Variants in TREML2 observed in about 807,000 individuals in gnomAD.
TREML2 encodes the protein trem-like transcript 2 protein.
Under a neutral mutation model 25.9 loss-of-function variants are expected in TREML2, and 24 were observed. The observed-to-expected ratio is 0.93, with a 90% CI of 0.67 to 1.30. The LOEUF is 1.30. Ranked by LOEUF, TREML2 falls within the 50% of genes most tolerant of loss-of-function variation. The probability of loss-of-function intolerance (pLI) is 0.00; values close to 1 mark genes in which losing one functional copy is unlikely to be tolerated. For synonymous variants in TREML2, 139 were observed against 155.2 expected (o/e 0.90, Z 0.77); for missense variants, 359 against 395.6 (o/e 0.91, Z 0.78).
At chr6:41,200,246 AC>A (rs776487765) in intron 1 of TREML2, among the ~76,000 whole-genome samples, 11 of 152,152 alleles carry the variant, frequency 7.2e-5, no homozygotes, top group Non-Finnish European at 1.5e-4. Flanking sequence ...CACAAGAGAG[AC>A]CCCTTTCTGC....
Position 41,194,751 on chromosome 6 carries a change from A to G in TREML2, c.459T>C (p.Pro153=). The G allele has an allele frequency of 6.2e-7, 1 of 1,613,734 alleles. No individual in the cohort carries two copies. The highest frequency in any genetic ancestry group is 8.5e-7 in the Non-Finnish European group (1 of 1,179,824). Reference sequence around the variant, plus strand: ...TAAAAGGGGCATCAGGGCCTGAGGTAGGGGCTTGGCCAGTTGTGACAGTTC... The same window carrying G: ...TAAAAGGGGCATCAGGGCCTGAGGTGGGGGCTTGGCCAGTTGTGACAGTTC... ...KSGTVTTGQA[P]TSGPDAPFTT... The change falls in exon 3 of 5, where the codon CCT becomes CCC. Residue 153 remains proline (P), a synonymous_variant. Coordinates refer to ENST00000483722, the MANE Select transcript of TREML2 (RefSeq NM_024807.4).
Position 41,194,572 on chromosome 6 carries a change from G to A in TREML2, c.638C>T (p.Ala213Val), listed in dbSNP as rs147159415. The A allele has an allele frequency of 7.8e-5, 126 of 1,614,010 alleles. No homozygotes were observed. In the African/African-American group the frequency reaches 1.1e-3, roughly 13 times the overall value. ...GGAGTCCCTGGCATTGCTGGGAGACGCGGTCACTGTCTGGGACCCCATGGT... is the reference window on the plus strand; with the variant it reads ...GGAGTCCCTGGCATTGCTGGGAGACACGGTCACTGTCTGGGACCCCATGGT... ...RRTMGSQTVTASPSNARDSSA... is the reference protein window; with the variant it reads ...RRTMGSQTVTVSPSNARDSSA... Residue 213 changes from alanine to valine, a missense_variant, in exon 3 of 5, where the codon GCG (alanine) becomes GTG (valine). Transcript: ENST00000483722.
chr6:41,191,688 T>C lies in TREML2; in HGVS notation c.*739A>G, dbSNP rs1436493403. The C allele has an allele frequency of 6.6e-6, 1 of 152,294 alleles. No homozygotes were observed. Among genetic ancestry groups the C allele is most frequent in the Non-Finnish European group, 1.5e-5 (1 of 68,074 alleles). The allele number at this position is 152,294 out of a possible 1,614,324, so 9.4% of individuals were successfully genotyped here. ...CAAGTCCAGCCTCTGCACTTCAGTCTTGGGAGAGGCTGACCCTGCAGCCCA... is the reference window on the plus strand; with the variant it reads ...CAAGTCCAGCCTCTGCACTTCAGTCCTGGGAGAGGCTGACCCTGCAGCCCA... On this transcript the variant is annotated 3_prime_UTR_variant, in exon 5 of 5. Transcript: ENST00000483722.
intron 3 of TREML2, among the ~76,000 whole-genome samples, chr6:41,193,184 T>C (rs1406536892): frequency 6.6e-6 from 1 of 152,146 alleles, no homozygotes; most frequent in Admixed American, 6.5e-5. Context: ...AGACTCCCAT[T>C]TGTGGCTAAA....
At position 41,192,458 on chromosome 6, in the gene TREML2, G is replaced by A. The variant is rs751699387; in HGVS notation, c.935C>T (p.Pro312Leu). The A allele has an allele frequency of 1.9e-6, 3 of 1,614,002 alleles. No homozygotes were observed. The Admixed American group carries it at 5.0e-5, about 27-fold the overall frequency. The change falls in exon 5 of 5, where the codon CCA (proline) becomes CTA (leucine). Residue 312 changes from proline to leucine, a missense_variant. Coordinates refer to ENST00000483722, the MANE Select transcript of TREML2 (RefSeq NM_024807.4). ...DPSTRDPPGRPEPYVEVYLI is the reference protein window; with the variant it reads ...DPSTRDPPGRLEPYVEVYLI Reference sequence around the variant, plus strand: ...CAAGTAGACTTCCACATAGGGCTCTGGTCTTCCAGGTGGGTCACGTGTAGA... The same window carrying A: ...CAAGTAGACTTCCACATAGGGCTCTAGTCTTCCAGGTGGGTCACGTGTAGA...
intron 1 of TREML2, among the ~76,000 whole-genome samples, chr6:41,199,323 C>T (rs764991279): frequency 6.6e-6 from 1 of 152,236 alleles, no homozygotes; most frequent in Non-Finnish European, 1.5e-5. Context: ...ATTTATTTCA[C>T]AAATAGGTTC....
In TREML2 at chr6:41,195,280, A is replaced by G. The variant is rs554519547; in HGVS notation, c.377-447T>C. ...GTCCTCAAATTCCAAAGAAAGCTGC[A>G]GTCAGTTGGGGTCAGACACTTTCCT... is the stretch of plus-strand genomic sequence containing the variant. On this transcript the variant is annotated intron_variant, in intron 2 of 4. Coordinates refer to ENST00000483722, the MANE Select transcript of TREML2 (RefSeq NM_024807.4). Among the ~76,000 whole-genome samples the G allele has an allele frequency of 5.9e-5, 9 of 152,316 alleles. No homozygotes were observed. The South Asian group carries it at 1.9e-3, about 32-fold the overall frequency.
In TREML2 at chr6:41,191,450, G is replaced by A. The variant is rs1766060611; in HGVS notation, c.*977C>T. ...AGTTACTGTCTTCACTGTGTCCCAA[G>A]TGTGTCTTCTCTCTCTATCCTGAGG... On this transcript the variant is annotated 3_prime_UTR_variant, in exon 5 of 5. Transcript: ENST00000483722. The A allele has an allele frequency of 6.6e-6, 1 of 152,302 alleles. No individual in the cohort carries two copies. Among genetic ancestry groups the A allele is most frequent in the African/African-American group, 2.4e-5 (1 of 41,410 alleles). 9.4% of individuals were successfully genotyped at this position (152,302 alleles called of 1,614,324 possible).
At chr6:41,200,830 C>T (rs756784880) in intron 1 of TREML2, 124 bp downstream of exon 1, 25 of 888,670 alleles carry the variant, frequency 2.8e-5, no homozygotes, top group Non-Finnish European at 4.0e-5. Flanking sequence ...CCCTAATCTC[C>T]TCCTTCCCCA....
chr6:41,197,978 A>C, intron 2 of TREML2, 131 bp downstream of exon 2: 1 of 882,326 alleles, frequency 1.1e-6, no homozygotes, highest in Middle Eastern at 3.5e-4. Context: ...AGTGCCATAA[A>C]GGCACTCTGA....
rs572065459 is a variant in TREML2, at chr6:41,194,763, A to G, written c.447T>C (p.Thr149=). 5 of 1,612,096 alleles carry G rather than the reference A, an allele frequency of 3.1e-6. No homozygotes were observed. In the African/African-American group the frequency reaches 5.3e-5, roughly 17 times the overall value. ...CAGGGCCTGAGGTAGGGGCTTGGCC[A>G]GTTGTGACAGTTCCACTCTTGAGGA... ...DNILKSGTVT[T]GQAPTSGPDA... The change falls in exon 3 of 5, where the codon ACT becomes ACC. Residue 149 remains threonine, a synonymous_variant. Transcript: ENST00000483722.
In TREML2 at chr6:41,192,914, G is replaced by A; in HGVS notation, c.786-13C>T. ...AACATCCTGGTGCCTGAGAAGAAGGGACAGGGTGGAAGCGGGTGAGCACCA... is the reference window on the plus strand; with the variant it reads ...AACATCCTGGTGCCTGAGAAGAAGGAACAGGGTGGAAGCGGGTGAGCACCA... On this transcript the variant is annotated splice_polypyrimidine_tract_variant and intron_variant, in intron 3 of 4. Transcript: ENST00000483722. 2 of 1,551,184 alleles carry A rather than the reference G, an allele frequency of 1.3e-6. No individual in the cohort carries two copies. The highest frequency in any genetic ancestry group is 8.7e-7 in the Non-Finnish European group (1 of 1,150,534).
In TREML2 at chr6:41,194,848, G is replaced by A. The variant is rs753995605; in HGVS notation, c.377-15C>T. On this transcript the variant is annotated splice_polypyrimidine_tract_variant and intron_variant, in intron 2 of 4. Coordinates refer to ENST00000483722, the MANE Select transcript of TREML2 (RefSeq NM_024807.4). ...AGTTTGGGGAGCTGAAAGACAGAAA[G>A]GGAGGAACGTTAGATTGACTTGGGT... 3.2e-6 allele frequency: 5 copies of A among 1,545,688 alleles called. No individual in the cohort carries two copies. The highest frequency in any genetic ancestry group is 8.7e-7 in the Non-Finnish European group (1 of 1,143,694).
At position 41,196,032 on chromosome 6, in the gene TREML2, T is replaced by C. The variant is rs757593240; in HGVS notation, c.377-1199A>G. ...CAGGGGGCAGTGGAATATCCTATAC[T>C]GCTAGATGACCAGAGTTTGTAGTTG... On this transcript the variant is annotated intron_variant, in intron 2 of 4. Coordinates refer to ENST00000483722, the MANE Select transcript of TREML2 (RefSeq NM_024807.4). Among the ~76,000 whole-genome samples, 55 of 152,338 alleles carry C rather than the reference T, an allele frequency of 3.6e-4. No individual in the cohort carries two copies. The Middle Eastern group carries it at 0.014, about 38-fold the overall frequency.
At position 41,190,979 on chromosome 6, in the gene TREML2, G is replaced by C. The variant is rs1220013286; in HGVS notation, c.*1448C>G. ...AGGGAAGAAGTGCCTCCTCCCTGCT[G>C]TCCCCCAGGATTACTCCCTGCCTCT... is the stretch of plus-strand genomic sequence containing the variant. On this transcript the variant is annotated 3_prime_UTR_variant, in exon 5 of 5. Transcript: ENST00000483722. 1 of 152,500 alleles carries C rather than the reference G, an allele frequency of 6.6e-6. No individual in the cohort carries two copies. Among genetic ancestry groups the C allele is most frequent in the Middle Eastern group, 3.3e-3 (1 of 300 alleles). 9.4% of individuals were successfully genotyped at this position (152,500 alleles called of 1,614,324 possible).
intron 1 of TREML2, among the ~76,000 whole-genome samples, chr6:41,200,071 C>T (rs374812482): frequency 1.6e-4 from 24 of 152,348 alleles, no homozygotes; most frequent in African/African-American, 4.8e-4. Flanking sequence ...TCCAGGACAT[C>T]TGTCCCACCA....
Position 41,190,006 on chromosome 6 carries a change from A to C in TREML2, c.*2421T>G. The stretch of plus-strand genomic sequence containing the variant: ...CCTTACTGCACATGTCAGGGGATGA[A>C]ATTTTCCATTGCAGGCATGTTTGGG... On this transcript the variant is annotated 3_prime_UTR_variant, in exon 5 of 5. Transcript: ENST00000483722. Among the ~76,000 whole-genome samples the C allele has an allele frequency of 6.6e-6, 1 of 151,982 alleles. No individual in the cohort carries two copies. Among genetic ancestry groups the C allele is most frequent in the East Asian group, 1.9e-4 (1 of 5,188 alleles).
In TREML2 at chr6:41,190,047, G is replaced by A. The variant is rs1001011354; in HGVS notation, c.*2380C>T. ...CATGTTTGGGCAAGTCACCTGTGTA[G>A]TCTGTCTTATCTATGAGGCTGTGGG... On this transcript the variant is annotated 3_prime_UTR_variant, in exon 5 of 5. Transcript: ENST00000483722. 5.5e-4 allele frequency among the ~76,000 whole-genome samples: 84 copies of A among 152,136 alleles called. No individual in the cohort carries two copies. Among genetic ancestry groups the A allele is most frequent in the African/African-American group, 1.9e-3 (79 of 41,408 alleles).
In TREML2 at chr6:41,191,216, TGTGTG is replaced by T. The variant is rs1766055246; in HGVS notation, c.*1206_*1210del. Reference sequence around the variant, plus strand: ...GTGTGTGTGTGTGTGTGTGTGTGTGTGTGTGTAGGGGAATCCAGGCTGCATTCTCC... The same window carrying T: ...GTGTGTGTGTGTGTGTGTGTGTGTGTTAGGGGAATCCAGGCTGCATTCTCC... On this transcript the variant is annotated 3_prime_UTR_variant, in exon 5 of 5. Transcript: ENST00000483722. 1 of 153,268 alleles carries T rather than the reference TGTGTG, an allele frequency of 6.5e-6. No individual in the cohort carries two copies. Among genetic ancestry groups the T allele is most frequent in the African/African-American group, 2.5e-5 (1 of 39,608 alleles). The allele number at this position is 153,268 out of a possible 1,614,324, so 9.5% of individuals were successfully genotyped here. A position where few individuals can be genotyped will look rare whatever the true frequency, so the allele number is the denominator to read the frequency against.
Sources: gnomAD v4.1 joint callset for allele counts (sites outside exome capture counted in the v4.1 genomes callset) on GRCh38, gnomAD v4.1.1 for gene constraint, MANE v1.5 for transcripts, NCBI Gene and HGNC (gene_info 2026-07-23, HGNC 2026-07-21) for gene names.